Variants in USP30 observed in about 807,000 individuals in gnomAD.
USP30 encodes the protein ubiquitin specific peptidase 30.
USP30 carries 41 observed loss-of-function variants against 68.2 expected under a neutral mutation model. That is an observed-to-expected ratio of 0.60 (90% CI 0.47 to 0.78). The LOEUF (loss-of-function observed/expected upper bound fraction) is 0.78, where lower values mean the gene tolerates loss of function less well. Ranked by LOEUF, USP30 falls within the 30% of genes least tolerant of loss-of-function variation. USP30 has a pLI of 0.00. For missense variants in USP30, 522 were observed against 649.4 expected, an observed-to-expected ratio of 0.80 and a Z score of 2.13; for synonymous variants, 229 against 253.7, an observed-to-expected ratio of 0.90 and a Z score of 0.93.
At chr12:109,025,010 C>G (rs894784744) in exon 2 of USP30, 1 of 152,180 alleles carries the variant, frequency 6.6e-6, no homozygotes, top group African/African-American at 2.4e-5. Flanking sequence ...GATCTGCCCT[C>G]GATGTGTGAA....
chr12:109,031,960 G>A (rs940196636), intron 3 of USP30, among the ~76,000 whole-genome samples: 14 of 151,850 alleles, frequency 9.2e-5, no homozygotes, highest in African/African-American at 3.4e-4. Flanking sequence ...TAATTAGTCA[G>A]GTGTCATGGT....
intron 7 of USP30, among the ~76,000 whole-genome samples, chr12:109,075,539 A>C (rs1210017510): frequency 6.6e-6 from 1 of 152,084 alleles, no homozygotes; most frequent in East Asian, 1.9e-4. Flanking sequence ...TTTAGTAGAG[A>C]TCGGGTTTCA....
intron 7 of USP30, among the ~76,000 whole-genome samples, chr12:109,080,352 T>C (rs1566104455): frequency 1.3e-5 from 2 of 152,072 alleles, no homozygotes; most frequent in Admixed American, 6.6e-5. Flanking sequence ...GCCCACAGAG[T>C]TCTGTTTTTC....
At chr12:109,039,993 A>T (rs569170993) in intron 3 of USP30, among the ~76,000 whole-genome samples, 1 of 152,334 alleles carries the variant, frequency 6.6e-6, no homozygotes, top group South Asian at 2.1e-4. Flanking sequence ...ACTTGGGGTG[A>T]TATATGATAT....
intron 3 of USP30, among the ~76,000 whole-genome samples, chr12:109,032,219 G>A (rs1052265169): frequency 3.3e-5 from 5 of 152,072 alleles, no homozygotes; most frequent in Non-Finnish European, 7.4e-5. Flanking sequence ...CAGGAGGGTT[G>A]CTTGAGCCCA....
rs2041953470 is a variant in USP30 at position 109,086,594 on chromosome 12, A to AT, written c.*664dup. On this transcript the variant is annotated 3_prime_UTR_variant, in exon 13 of 13. Transcript: ENST00000257548. ...AAACTCTTTCACTACTTTGTCAGTT[A>AT]TAAGTGAAGAGCTTACTTGTTGCTT... is the stretch of plus-strand genomic sequence containing the variant. 6.6e-6 allele frequency: 1 copy of AT among 152,380 alleles called. No homozygotes were observed. The highest frequency in any genetic ancestry group is 1.5e-5 in the Non-Finnish European group (1 of 68,162). 9.4% of individuals were successfully genotyped at this position (152,380 alleles called of 1,614,324 possible). A position where few individuals can be genotyped will look rare whatever the true frequency, so the allele number is the denominator to read the frequency against.
chr12:109,070,889 G>A lies in USP30; in HGVS notation c.481-723G>A, dbSNP rs1005966659. 7.9e-5 allele frequency among the ~76,000 whole-genome samples: 12 copies of A among 152,206 alleles called. No individual in the cohort carries two copies. The highest frequency in any genetic ancestry group is 1.6e-4 in the Non-Finnish European group (11 of 68,046). ...GCCAAGGGGTAGAAGCAACCCAAGT[G>A]TTCATCGGCTGATAAATAGGTAAAC... On this transcript the variant is annotated intron_variant, in intron 4 of 12. Transcript: ENST00000257548. The surrounding 1 kb of genome is among the most constrained non-coding windows in gnomAD (Gnocchi z 4.0).
intron 3 of USP30, among the ~76,000 whole-genome samples, chr12:109,027,992 C>A (rs1350245932): frequency 6.6e-6 from 1 of 152,178 alleles, no homozygotes; most frequent in Non-Finnish European, 1.5e-5. Flanking sequence ...AGCAGCTGTA[C>A]CATTTTACAT....
chr12:109,059,654 C>G (rs1297747954), intron 3 of USP30, among the ~76,000 whole-genome samples: 1 of 152,138 alleles, frequency 6.6e-6, no homozygotes, highest in East Asian at 1.9e-4. Context: ...TCTGGGATTA[C>G]AGCTGCATGC....
At chr12:109,044,552 A>G (rs551452796) in intron 3 of USP30, among the ~76,000 whole-genome samples, 5 of 152,164 alleles carry the variant, frequency 3.3e-5, no homozygotes, top group Non-Finnish European at 5.9e-5. Context: ...TGGAAGGATC[A>G]TCTGAGCTCT....
At chr12:109,028,289 C>T (rs1315092422) in intron 3 of USP30, among the ~76,000 whole-genome samples, 1 of 152,084 alleles carries the variant, frequency 6.6e-6, no homozygotes, top group Non-Finnish European at 1.5e-5. Flanking sequence ...GAATACCTGA[C>T]ACTGGGTAAT....
intron 3 of USP30, among the ~76,000 whole-genome samples, chr12:109,058,989 C>T (rs7307927): frequency 0.16 from 25,063 of 152,112 alleles, 2,141 homozygotes; most frequent in Middle Eastern, 0.23. Flanking sequence ...TTGCGAAATA[C>T]TCAGTACTGT....
Position 109,071,621 on chromosome 12 carries a change from G to A in USP30, c.490G>A (p.Glu164Lys), listed in dbSNP as rs141883832. ...ISSFEEQDAHELFHVITSSLE... is the reference protein window; with the variant it reads ...ISSFEEQDAHKLFHVITSSLE... ...CTTTGCCCTATGACAGGATGCTCAC[G>A]AATTATTCCATGTCATTACCTCGTC... is the stretch of plus-strand genomic sequence containing the variant. The change falls in exon 5 of 13, where the codon GAA (glutamate) becomes AAA (lysine). Residue 164 changes from glutamate to lysine, a missense_variant. Transcript: ENST00000257548. 2.5e-6 allele frequency: 4 copies of A among 1,613,952 alleles called. No individual in the cohort carries two copies. Among genetic ancestry groups the A allele is most frequent in the South Asian group, 1.1e-5 (1 of 91,072 alleles).
intron 11 of USP30, among the ~76,000 whole-genome samples, chr12:109,084,692 AG>A (rs1300502084): frequency 6.6e-6 from 1 of 152,250 alleles, no homozygotes; most frequent in Non-Finnish European, 1.5e-5. Context: ...ATTAGCAAAC[AG>A]GGCTAGGAAG....
chr12:109,058,553 C>T (rs1593247729), intron 3 of USP30, among the ~76,000 whole-genome samples: 2 of 125,502 alleles, frequency 1.6e-5, no homozygotes, highest in South Asian at 2.6e-4. Flanking sequence ...GCCTGAGCAA[C>T]AAGAGCGAAA....
chr12:109,051,645 G>A (rs145060605), upstream of USP30, among the ~76,000 whole-genome samples: 378 of 145,356 alleles, frequency 2.6e-3, 1 homozygote, highest in African/African-American at 8.9e-3. Flanking sequence ...TCTTGGCTCA[G>A]TGCAACCTCC....
intron 2 of USP30, among the ~76,000 whole-genome samples, chr12:109,057,390 TAA>T (rs1213334799): frequency 1.3e-5 from 2 of 152,276 alleles, no homozygotes; most frequent in East Asian, 3.9e-4. Context: ...AAAGTTTTTT[TAA>T]AAGATTGCTA....
intron 3 of USP30, among the ~76,000 whole-genome samples, chr12:109,064,109 T>C (rs1566091671): frequency 6.6e-6 from 1 of 152,082 alleles, no homozygotes; most frequent in Non-Finnish European, 1.5e-5. Flanking sequence ...CTTGACCTTG[T>C]GATCTGCCTG....
At chr12:109,081,441 C>A (rs746826909) in intron 8 of USP30, 48 bp downstream of exon 8, 1 of 1,599,858 alleles carries the variant, frequency 6.3e-7, no homozygotes, top group African/African-American at 1.3e-5. Context: ...AGAAACATTT[C>A]AATCTGAAAG....
Sources: allele counts gnomAD v4.1 joint callset (sites outside exome capture counted in the v4.1 genomes callset), GRCh38; gene constraint gnomAD v4.1.1; non-coding constraint Gnocchi (gnomAD v3.1); transcripts MANE v1.5; gene names NCBI Gene and HGNC (gene_info 2026-07-23, HGNC 2026-07-21).